The following LPCAT3 variants were observed in gnomAD, a reference collection of about 807,000 sequenced individuals.
The protein encoded by LPCAT3 is lysophospholipid acyltransferase 5.
Under a neutral mutation model 63.4 loss-of-function variants are expected in LPCAT3, and 21 were observed. The ratio of observed to expected loss-of-function variants is 0.33; its 90% CI spans 0.23 to 0.48. The LOEUF is 0.48. LPCAT3 is among the 20% of genes least tolerant of loss of function. LPCAT3 has a pLI of 0.99. For missense variants in LPCAT3, 451 were observed against 590.6 expected, an observed-to-expected ratio of 0.76 and a Z score of 2.45; for synonymous variants, 242 against 227.5, an observed-to-expected ratio of 1.06 and a Z score of -0.58.
intron 1 of LPCAT3, among the ~76,000 whole-genome samples, chr12:7,003,967 T>C (rs781929526): frequency 2.6e-5 from 4 of 151,622 alleles, no homozygotes. Context: ...CCTAGGATGC[T>C]TATTAAAAAT....
In LPCAT3 at chr12:6,981,188, C is replaced by T. The variant is rs1490544145; in HGVS notation, c.499-6G>A. On this transcript the variant is annotated splice_polypyrimidine_tract_variant and splice_region_variant and intron_variant, in intron 5 of 12. Coordinates refer to ENST00000261407, the MANE Select transcript of LPCAT3 (RefSeq NM_005768.6). ...TGCTCAGAGGACAAGGAATTCTATGCCAAGAAGAGAATGCATGGTTCAGGA... is the reference window on the plus strand; with the variant it reads ...TGCTCAGAGGACAAGGAATTCTATGTCAAGAAGAGAATGCATGGTTCAGGA... 2 of 1,601,268 alleles carry T rather than the reference C, an allele frequency of 1.2e-6. No homozygotes were observed. Among genetic ancestry groups the T allele is most frequent in the African/African-American group, 2.7e-5 (2 of 74,296 alleles).
chr12:6,978,395 C>A lies in LPCAT3; in HGVS notation c.986G>T (p.Arg329Leu), dbSNP rs1036731044. 2 of 1,613,566 alleles carry A rather than the reference C, an allele frequency of 1.2e-6. No individual in the cohort carries two copies. Among genetic ancestry groups the A allele is most frequent in the Admixed American group, 3.3e-5 (2 of 59,952 alleles). Residue 329 changes from arginine to leucine, a missense_variant, in exon 9 of 13, where the codon CGC becomes CTC. Physicochemically the swap from Arg to Leu is moderately radical, Grantham distance 102. Transcript: ENST00000261407. ...MKVWLFETNP[R>L]FTGTIASFNI... ...GAATGAGGCAATGGTGCCAGTGAAG[C>A]GGGGGTTTGTTTCAAAGAGCCACAC...
intron 2 of LPCAT3, 190 bp from the exon 3 acceptor site, chr12:6,982,972 TTTC>T (rs1450638025): frequency 3.0e-6 from 2 of 663,652 alleles, no homozygotes; most frequent in Non-Finnish European, 5.5e-6. Flanking sequence ...TGTTATTTTA[TTTC>T]TTTTCTTTTT....
chr12:6,998,578 T>G (rs1247230173), intron 1 of LPCAT3, among the ~76,000 whole-genome samples: 1 of 152,228 alleles, frequency 6.6e-6, no homozygotes, highest in African/African-American at 2.4e-5. Context: ...GGTAACTGAT[T>G]AGGTTCAGTG....
At chr12:6,979,097 C>CT (rs2138329346) in intron 7 of LPCAT3, 1 of 300,502 alleles carries the variant, frequency 3.3e-6, no homozygotes, top group African/African-American at 2.2e-5. Flanking sequence ...CACTTCCCCC[C>CT]TTCCCTTGGT....
At chr12:6,996,811 A>G (rs1555156069) in intron 1 of LPCAT3, among the ~76,000 whole-genome samples, 1 of 152,202 alleles carries the variant, frequency 6.6e-6, no homozygotes, top group African/African-American at 2.4e-5. Context: ...TCTCGACCAC[A>G]GTGGTCGGGA....
chr12:7,002,175 G>C (rs1207949285), intron 1 of LPCAT3, among the ~76,000 whole-genome samples: 1 of 152,096 alleles, frequency 6.6e-6, no homozygotes, highest in Non-Finnish European at 1.5e-5. Flanking sequence ...GATTCCTTCT[G>C]ATCTTTCTCT....
rs782789635 is a variant in LPCAT3 at position 6,981,889 on chromosome 12, C to G, written c.382G>C (p.Gly128Arg). The G allele has an allele frequency of 6.2e-7, 1 of 1,607,590 alleles. No homozygotes were observed. The highest frequency in any genetic ancestry group is 8.5e-7 in the Non-Finnish European group (1 of 1,174,162). ...TTGCCGGTGGCAGTGTAATAGTATC[C>G]AGCCAGAAGGTAGGCCTAGGAGAGG... ...FCFQMAYLLA[G>R]YYYTATGNYD... Residue 128 changes from glycine (G) to arginine (R), a missense_variant, in exon 4 of 13, where the codon GGA becomes CGA. Coordinates refer to ENST00000261407, the MANE Select transcript of LPCAT3 (RefSeq NM_005768.6).
At chr12:6,993,338 G>A (rs1555155726) in intron 1 of LPCAT3, among the ~76,000 whole-genome samples, 2 of 152,038 alleles carry the variant, frequency 1.3e-5, no homozygotes, top group African/African-American at 4.8e-5. Flanking sequence ...GGAGGCTGAG[G>A]GAGGAGAATT....
chr12:7,009,340 C>T (rs146718719), intron 1 of LPCAT3, among the ~76,000 whole-genome samples: 2,537 of 152,300 alleles, frequency 0.017, 28 homozygotes, highest in Non-Finnish European at 0.027. Flanking sequence ...GGATTACAGG[C>T]GTGAGCCACC....
intron 1 of LPCAT3, among the ~76,000 whole-genome samples, chr12:6,998,780 C>T (rs1285297665): frequency 6.6e-6 from 1 of 152,230 alleles, no homozygotes; most frequent in Non-Finnish European, 1.5e-5. Flanking sequence ...ATCCTGTACA[C>T]CTTGGGCTGA....
chr12:7,005,738 G>C (rs781912249), intron 1 of LPCAT3, among the ~76,000 whole-genome samples: 1 of 152,164 alleles, frequency 6.6e-6, no homozygotes, highest in Non-Finnish European at 1.5e-5. Flanking sequence ...GTCTCTTTTA[G>C]AGAACTGTCT....
rs1946423697 is a variant in LPCAT3, at chr12:6,977,694, A to C, written c.1092T>G (p.Gly364=). 1 of 1,614,052 alleles carries C rather than the reference A, an allele frequency of 6.2e-7. No homozygotes were observed. Among genetic ancestry groups the C allele is most frequent in the Admixed American group, 1.7e-5 (1 of 59,986 alleles). Reference sequence around the variant, plus strand: ...AGAGGGCCAGGAATAGCAACGAGAGACCCTGAGAGAGTTCTTTATTTCCAA... The same window carrying C: ...AGAGGGCCAGGAATAGCAACGAGAGCCCCTGAGAGAGTTCTTTATTTCCAA... ...KFLGNKELSQ[G]LSLLFLALWH... The change falls in exon 10 of 13, where the codon GGT becomes GGG. Residue 364 remains glycine, a synonymous_variant. Coordinates refer to ENST00000261407, the MANE Select transcript of LPCAT3 (RefSeq NM_005768.6). The surrounding 1 kb of genome is among the most constrained non-coding windows in gnomAD (Gnocchi z 4.5).
At chr12:6,985,526 C>G (rs218745) in intron 1 of LPCAT3, among the ~76,000 whole-genome samples, 1 of 151,288 alleles carries the variant, frequency 6.6e-6, no homozygotes, top group African/African-American at 2.4e-5. Flanking sequence ...CCATACTGGC[C>G]AACATGGTGA....
chr12:6,981,800 C>G lies in LPCAT3; in HGVS notation c.460+11G>C. 6.2e-7 allele frequency: 1 copy of G among 1,606,014 alleles called. No homozygotes were observed. The highest frequency in any genetic ancestry group is 1.1e-5 in the South Asian group (1 of 90,924). On this transcript the variant is annotated intron_variant, in intron 4 of 12. Coordinates refer to ENST00000261407, the MANE Select transcript of LPCAT3 (RefSeq NM_005768.6). Reference sequence around the variant, plus strand: ...TACATGTAAGGAAGGCAGGCAGTGACCATCACTCACCAATCAGCTTCAAAG... The same window carrying G: ...TACATGTAAGGAAGGCAGGCAGTGAGCATCACTCACCAATCAGCTTCAAAG...
chr12:6,979,664 G>T, intron 6 of LPCAT3, 85 bp from the exon 7 acceptor site: 1 of 904,676 alleles, frequency 1.1e-6, no homozygotes, highest in Non-Finnish European at 1.8e-6. Context: ...GGAGAGGAGT[G>T]TTTAGGGGTG....
At chr12:6,980,934 G>C (rs1422465642) in intron 6 of LPCAT3, 70 bp downstream of exon 6, 1 of 1,443,850 alleles carries the variant, frequency 6.9e-7, no homozygotes, top group South Asian at 1.4e-5. Flanking sequence ...GGAGAATGCA[G>C]CTTTCAGAAG....
chr12:6,999,915 T>TC (rs1234321059), intron 1 of LPCAT3, among the ~76,000 whole-genome samples: 2 of 135,518 alleles, frequency 1.5e-5, no homozygotes, highest in Non-Finnish European at 3.3e-5. Flanking sequence ...TTACTTACAT[T>TC]CTTTTTTTTT....
At chr12:6,995,379 C>G (rs1946627876) in intron 1 of LPCAT3, among the ~76,000 whole-genome samples, 1 of 151,628 alleles carries the variant, frequency 6.6e-6, no homozygotes. Flanking sequence ...GAGGCTGAGG[C>G]AGGAGAATCG....
Sources: gnomAD v4.1 joint callset for allele counts (sites outside exome capture counted in the v4.1 genomes callset) on GRCh38, gnomAD v4.1.1 for gene constraint, Gnocchi (gnomAD v3.1) non-coding constraint, MANE v1.5 for transcripts, NCBI Gene and HGNC (gene_info 2026-07-23, HGNC 2026-07-21) for gene names.